The following NYAP2 variants were observed in gnomAD, a reference collection of about 807,000 sequenced individuals.
NYAP2 encodes the protein neuronal tyrosine-phosphorylated phosphoinositide-3-kinase adapter 2.
NYAP2 carries 23 observed loss-of-function variants against 50.4 expected under a neutral mutation model. The observed-to-expected ratio is 0.46, with a 90% CI of 0.33 to 0.65. NYAP2 has a LOEUF of 0.65. Ranked by LOEUF, NYAP2 falls within the 30% of genes least tolerant of loss-of-function variation. The pLI is 0.02. For synonymous variants in NYAP2, 394 were observed against 365.2 expected (o/e 1.08, Z -0.90); for missense variants, 885 against 861.0 (o/e 1.03, Z -0.35).
Position 225,421,513 on chromosome 2 carries a change from T to A in NYAP2, c.221+12412T>A, listed in dbSNP as rs1308841574. Among the ~76,000 whole-genome samples the A allele has an allele frequency of 3.3e-5, 5 of 152,308 alleles. No individual in the cohort carries two copies. The East Asian group carries it at 9.6e-4, about 29-fold the overall frequency. ...GACAATGGGGAAATATCTATAGTGA[T>A]CAGAGCACATGAAGACTCTTCTCTC... On this transcript the variant is annotated intron_variant, in intron 3 of 6. Coordinates refer to ENST00000636099, the Ensembl canonical transcript of NYAP2.
chr2:225,412,514 A>G (rs1695063943), intron 3 of NYAP2, among the ~76,000 whole-genome samples: 1 of 151,868 alleles, frequency 6.6e-6, no homozygotes, highest in Non-Finnish European at 1.5e-5. Context: ...TATATAATGA[A>G]TGAATGAAAG....
intron 3 of NYAP2, among the ~76,000 whole-genome samples, chr2:225,430,523 A>G (rs1469514870): frequency 6.6e-6 from 1 of 152,206 alleles, no homozygotes; most frequent in African/African-American, 2.4e-5. Flanking sequence ...ACTAACATCT[A>G]CCACACACTG....
chr2:225,580,981 A>G (rs1692260781), intron 4 of NYAP2, among the ~76,000 whole-genome samples: 1 of 152,214 alleles, frequency 6.6e-6, no homozygotes, highest in Admixed American at 6.5e-5. Flanking sequence ...AGATAATAAC[A>G]AGACTCAAGT....
chr2:225,517,026 A>G (rs991607728), intron 4 of NYAP2, among the ~76,000 whole-genome samples: 4 of 152,142 alleles, frequency 2.6e-5, no homozygotes, highest in Non-Finnish European at 4.4e-5. Context: ...ACTCTACAAA[A>G]TGGCTTTTCA....
chr2:225,422,996 T>A (rs929268310), intron 3 of NYAP2, among the ~76,000 whole-genome samples: 1 of 152,134 alleles, frequency 6.6e-6, no homozygotes, highest in East Asian at 1.9e-4. Flanking sequence ...TGACACCATA[T>A]GAGTTTTCTA....
intron 4 of NYAP2, among the ~76,000 whole-genome samples, chr2:225,574,838 T>C (rs1156369216): frequency 6.6e-6 from 1 of 152,216 alleles, no homozygotes; most frequent in Non-Finnish European, 1.5e-5. Context: ...GGGGCTCTTA[T>C]AGTCAAGCCC....
chr2:225,527,596 T>G (rs1449614485), intron 4 of NYAP2, among the ~76,000 whole-genome samples: 1 of 152,200 alleles, frequency 6.6e-6, no homozygotes, highest in East Asian at 1.9e-4. Flanking sequence ...GCCTGGACCC[T>G]CTTTTAAAGA....
At chr2:225,437,570 A>G (rs934198478) in intron 3 of NYAP2, among the ~76,000 whole-genome samples, 9 of 152,192 alleles carry the variant, frequency 5.9e-5, no homozygotes, top group African/African-American at 1.9e-4. Context: ...GTCACAATGC[A>G]TGGTAGTATT....
intron 3 of NYAP2, among the ~76,000 whole-genome samples, chr2:225,416,980 T>C (rs1160157065): frequency 6.6e-6 from 1 of 152,186 alleles, no homozygotes; most frequent in Non-Finnish European, 1.5e-5. Flanking sequence ...AGGTAATCTT[T>C]CTTTGAAAAG....
chr2:225,500,834 T>C (rs1690591786), intron 3 of NYAP2, among the ~76,000 whole-genome samples: 1 of 152,208 alleles, frequency 6.6e-6, no homozygotes, highest in Non-Finnish European at 1.5e-5. Flanking sequence ...ATTTTTCTGG[T>C]ATGAAATTTC....
At chr2:225,550,817 T>C (rs776251567) in intron 4 of NYAP2, among the ~76,000 whole-genome samples, 2 of 152,160 alleles carry the variant, frequency 1.3e-5, no homozygotes, top group Admixed American at 6.5e-5. Flanking sequence ...TTGGAGCTTT[T>C]TCCAATGCAA....
rs1415244484 is a variant in NYAP2 at position 225,573,028 on chromosome 2, C to T, written c.524-8913C>T. The stretch of plus-strand genomic sequence containing the variant: ...CATCCTGTGGTGATTTTATAATACT[C>T]AAAGGAAAGCTTACTTTCTTAATTT... On this transcript the variant is annotated intron_variant, in intron 4 of 6. Coordinates refer to ENST00000636099, the Ensembl canonical transcript of NYAP2. Among the ~76,000 whole-genome samples, 3 of 152,214 alleles carry T rather than the reference C, an allele frequency of 2.0e-5. 1 individual carries two copies. The highest frequency in any genetic ancestry group is 1.9e-4 in the East Asian group (1 of 5,182).
At chr2:225,544,290 T>A (rs940474455) in intron 4 of NYAP2, among the ~76,000 whole-genome samples, 1 of 151,940 alleles carries the variant, frequency 6.6e-6, no homozygotes, top group Non-Finnish European at 1.5e-5. Flanking sequence ...ATGTTCAATG[T>A]TATTGTTCAT....
chr2:225,477,722 CAT>C (rs1364001297), intron 3 of NYAP2, among the ~76,000 whole-genome samples: 23 of 152,154 alleles, frequency 1.5e-4, no homozygotes, highest in Admixed American at 6.5e-5. Context: ...TACATACACA[CAT>C]GTACAGTTTT....
chr2:225,520,703 G>A (rs1450474764), intron 4 of NYAP2, among the ~76,000 whole-genome samples: 1 of 152,172 alleles, frequency 6.6e-6, no homozygotes, highest in Non-Finnish European at 1.5e-5. Context: ...AAATCAGGTA[G>A]CGTGATGCCT....
At chr2:225,412,950 T>C (rs1458754181) in intron 3 of NYAP2, among the ~76,000 whole-genome samples, 1 of 152,126 alleles carries the variant, frequency 6.6e-6, no homozygotes, top group Admixed American at 6.6e-5. Flanking sequence ...TGGGAGACAG[T>C]CATTTGCGGG....
chr2:225,665,590 A>G, the NYAP2 span, among the ~76,000 whole-genome samples: 2 of 140,360 alleles, frequency 1.4e-5, no homozygotes, highest in Non-Finnish European at 3.1e-5. Context: ...TTTTGAGACC[A>G]AAAAAAAAAA....
intron 3 of NYAP2, among the ~76,000 whole-genome samples, chr2:225,474,908 C>T (rs1357641811): frequency 6.6e-6 from 1 of 152,140 alleles, no homozygotes. Context: ...TTCAAAACAT[C>T]ACCTGTTACA....
At chr2:225,585,057 C>A (rs1220865512) in intron 5 of NYAP2, among the ~76,000 whole-genome samples, 1 of 152,302 alleles carries the variant, frequency 6.6e-6, no homozygotes. Flanking sequence ...CACACAGACA[C>A]AAAGAATGAT....
Sources: gnomAD v4.1 joint callset for allele counts (sites outside exome capture counted in the v4.1 genomes callset) on GRCh38, gnomAD v4.1.1 for gene constraint, MANE v1.5 for transcripts, NCBI Gene and HGNC (gene_info 2026-07-23, HGNC 2026-07-21) for gene names.